The following CASQ2 variants were observed in gnomAD, a reference collection of about 807,000 sequenced individuals.
CASQ2 encodes calsequestrin 2.
CASQ2 carries 49 observed loss-of-function variants against 46.5 expected under a neutral mutation model. The ratio of observed to expected loss-of-function variants is 1.05; its 90% confidence interval spans 0.84 to 1.34. The LOEUF (loss-of-function observed/expected upper bound fraction) is 1.34, where lower values mean the gene tolerates loss of function less well. Among genes scored for constraint, CASQ2 ranks in the 40% most tolerant of loss-of-function variants. CASQ2 has a pLI of 0.00. For missense variants in CASQ2, 486 were observed against 481.3 expected (o/e 1.01, Z -0.09); for synonymous variants, 174 against 168.5 (o/e 1.03, Z -0.25).
chr1:115,761,087 G>A (rs1648917769), intron 1 of CASQ2, among the ~76,000 whole-genome samples: 1 of 151,948 alleles, frequency 6.6e-6, no homozygotes, highest in Non-Finnish European at 1.5e-5. Context: ...GTGAATCTGT[G>A]TGACTTACTC....
chr1:115,730,445 C>T (rs1647746271), intron 5 of CASQ2, among the ~76,000 whole-genome samples: 1 of 152,048 alleles, frequency 6.6e-6, no homozygotes, highest in Non-Finnish European at 1.5e-5. Flanking sequence ...ATGTTGTGTC[C>T]CTGGCACTAA....
chr1:115,704,284 T>C (rs1044781422), intron 9 of CASQ2, among the ~76,000 whole-genome samples: 4 of 152,264 alleles, frequency 2.6e-5, no homozygotes, highest in Admixed American at 2.6e-4. Context: ...AAACTTGTAC[T>C]GATTACTTCA....
intron 5 of CASQ2, among the ~76,000 whole-genome samples, chr1:115,731,885 A>C (rs937962977): frequency 1.3e-5 from 2 of 152,192 alleles, no homozygotes; most frequent in African/African-American, 4.8e-5. Context: ...AGACTCTGGC[A>C]CATAAAAATT....
intron 1 of CASQ2, among the ~76,000 whole-genome samples, chr1:115,761,475 GAAGAAGAAGA>G (rs1257794845): frequency 9.2e-5 from 2 of 21,804 alleles, no homozygotes; most frequent in Non-Finnish European, 2.1e-4. Context: ...AGAAGAAGAA[GAAGAAGAAGA>G]AGGAGAAGAA....
chr1:115,741,747 A>T (rs950976876), intron 2 of CASQ2, among the ~76,000 whole-genome samples: 12 of 152,200 alleles, frequency 7.9e-5, no homozygotes. Context: ...GATGTTGTGT[A>T]CCTTAACAAA....
At chr1:115,717,996 A>G (rs751985175) in intron 7 of CASQ2, 102 bp from the exon 8 acceptor site, 2 of 825,334 alleles carry the variant, frequency 2.4e-6, no homozygotes, top group East Asian at 2.4e-5. Flanking sequence ...TAGGAGAGGT[A>G]GGGAGAGGTG....
intron 7 of CASQ2, among the ~76,000 whole-genome samples, chr1:115,719,000 A>G (rs914701017): frequency 6.6e-6 from 1 of 152,116 alleles, no homozygotes; most frequent in African/African-American, 2.4e-5. Context: ...TCATATCAGA[A>G]TCATCCTATG....
rs114396832 is a variant in CASQ2 at position 115,705,545 on chromosome 1, C to T, written c.839-253G>A. Among the ~76,000 whole-genome samples, 690 of 152,346 alleles carry T rather than the reference C, an allele frequency of 4.5e-3. 2 individuals carry two copies. The highest frequency in any genetic ancestry group is 0.014 in the African/African-American group (577 of 41,568). ...GGCTGGTTTTTCACTGGAAGCCAAA[C>T]TTCATTTGTGAAAACTGCCCAGCCT... On this transcript the variant is annotated intron_variant, in intron 8 of 10. Coordinates refer to ENST00000261448, the MANE Select transcript of CASQ2 (RefSeq NM_001232.4).
At chr1:115,708,231 A>G (rs773622952) in intron 8 of CASQ2, among the ~76,000 whole-genome samples, 24 of 152,366 alleles carry the variant, frequency 1.6e-4, no homozygotes, top group Non-Finnish European at 2.9e-4. Context: ...GTTTTTGTAA[A>G]GAGAATATTC....
chr1:115,730,058 C>T (rs928619176), intron 5 of CASQ2, among the ~76,000 whole-genome samples: 35 of 152,162 alleles, frequency 2.3e-4, no homozygotes, highest in South Asian at 2.1e-4. Flanking sequence ...GTTGGGCCTT[C>T]GTGTGGCTTG....
At chr1:115,762,200 C>CT (rs1180043821) in intron 1 of CASQ2, among the ~76,000 whole-genome samples, 4 of 152,162 alleles carry the variant, frequency 2.6e-5, no homozygotes, top group Non-Finnish European at 4.4e-5. Flanking sequence ...GATACCCTGA[C>CT]TGAGCAAGGG....
intron 4 of CASQ2, 21 bp downstream of exon 4, chr1:115,738,203 T>G: frequency 7.1e-7 from 1 of 1,416,638 alleles, no homozygotes; most frequent in Non-Finnish European, 1.0e-6. Flanking sequence ...ACTGATCGGC[T>G]GGGGTTGGCA....
intron 3 of CASQ2, among the ~76,000 whole-genome samples, chr1:115,739,728 A>G (rs1648116167): frequency 6.6e-6 from 1 of 152,270 alleles, no homozygotes; most frequent in Non-Finnish European, 1.5e-5. Context: ...TGTGATTTAC[A>G]GAGAAAAATG....
chr1:115,736,966 C>T (rs1647985004), intron 4 of CASQ2, among the ~76,000 whole-genome samples: 2 of 152,022 alleles, frequency 1.3e-5, no homozygotes, highest in South Asian at 4.2e-4. Context: ...GGGGAAGACG[C>T]CAAGGGTACT....
In CASQ2 at chr1:115,744,808, A is replaced by G. The variant is rs751551798; in HGVS notation, c.319+20T>C. On this transcript the variant is annotated intron_variant, in intron 2 of 10. Transcript: ENST00000261448. ...CATTCGTTTCTTTCCCACATACAGT[A>G]TCTCAAAAATCACACTTACCCAGTT... 13 of 1,550,944 alleles carry G rather than the reference A, an allele frequency of 8.4e-6. No individual in the cohort carries two copies. The East Asian group carries it at 1.1e-4, about 13-fold the overall frequency.
chr1:115,758,004 C>T (rs925424788), intron 1 of CASQ2, among the ~76,000 whole-genome samples: 21 of 152,170 alleles, frequency 1.4e-4, no homozygotes, highest in African/African-American at 4.8e-4. Context: ...AGGTTCAACA[C>T]ATAGTCTAGT....
At chr1:115,767,685 A>C (rs1433279615) in intron 1 of CASQ2, among the ~76,000 whole-genome samples, 1 of 152,216 alleles carries the variant, frequency 6.6e-6, no homozygotes. Context: ...AATGCGGATA[A>C]AATAAGAACT....
At chr1:115,706,381 A>G (rs1654364108) in intron 8 of CASQ2, among the ~76,000 whole-genome samples, 1 of 152,162 alleles carries the variant, frequency 6.6e-6, no homozygotes, top group Non-Finnish European at 1.5e-5. Flanking sequence ...TAGGAGCACT[A>G]GGGCAGAAAA....
At chr1:115,714,213 C>T (rs1361397475) in intron 8 of CASQ2, among the ~76,000 whole-genome samples, 2 of 152,142 alleles carry the variant, frequency 1.3e-5, no homozygotes, top group Non-Finnish European at 1.5e-5. Flanking sequence ...ATGCCTTCCT[C>T]ATGGGGTTCT....
Sources: allele counts gnomAD v4.1 joint callset (sites outside exome capture counted in the v4.1 genomes callset), GRCh38; gene constraint gnomAD v4.1.1; transcripts MANE v1.5; gene names NCBI Gene and HGNC (gene_info 2026-07-23, HGNC 2026-07-21).